Variants in GPC6 observed in about 807,000 individuals in gnomAD.
The protein encoded by GPC6 is glypican 6, also known as glypican-6.
GPC6 carries 14 observed loss-of-function variants against 55.2 expected under a neutral mutation model. That is an observed-to-expected ratio of 0.25 (90% CI 0.17 to 0.40). The LOEUF (loss-of-function observed/expected upper bound fraction) is 0.40. Ranked by LOEUF, GPC6 falls within the 10% of genes least tolerant of loss-of-function variation. The pLI is 1.00. For synonymous variants in GPC6, 278 were observed against 259.6 expected, an observed-to-expected ratio of 1.07 and a Z score of -0.68; for missense variants, 641 against 708.5, an observed-to-expected ratio of 0.90 and a Z score of 1.08.
intron 2 of GPC6, among the ~76,000 whole-genome samples, chr13:93,572,831 C>A (rs1289538935): frequency 6.6e-6 from 1 of 152,018 alleles, no homozygotes; most frequent in Non-Finnish European, 1.5e-5. Flanking sequence ...AAAAAAGTTT[C>A]TTTTTGCTTT....
chr13:93,428,619 G>GTACCTA (rs1555299469), intron 1 of GPC6, among the ~76,000 whole-genome samples: 1 of 152,108 alleles, frequency 6.6e-6, no homozygotes, highest in African/African-American at 2.4e-5. Context: ...GCAGAGTGCT[G>GTACCTA]TACCTACTAC....
chr13:93,604,415 A>G (rs889410666), intron 2 of GPC6, among the ~76,000 whole-genome samples: 2 of 152,220 alleles, frequency 1.3e-5, no homozygotes, highest in Non-Finnish European at 2.9e-5. Context: ...TAGGAGATGT[A>G]GGAATAGGTA....
chr13:93,740,794 A>G (rs1461730617), intron 2 of GPC6, among the ~76,000 whole-genome samples: 3 of 152,212 alleles, frequency 2.0e-5, no homozygotes, highest in Admixed American at 1.3e-4. Flanking sequence ...AATAAATACA[A>G]GACTCAAACA....
chr13:94,336,653 A>G (rs184902307), intron 6 of GPC6, among the ~76,000 whole-genome samples: 2 of 152,282 alleles, frequency 1.3e-5, no homozygotes, highest in East Asian at 1.9e-4. Context: ...TCCGTGAAAG[A>G]GAGGTTGTGG....
chr13:94,353,559 G>C (rs558489721), intron 6 of GPC6, among the ~76,000 whole-genome samples: 4 of 151,606 alleles, frequency 2.6e-5, no homozygotes, highest in Non-Finnish European at 5.9e-5. Flanking sequence ...AAGAGTGAAA[G>C]TCGTGTGCGA....
At chr13:93,603,919 CA>C (rs768761918) in intron 2 of GPC6, among the ~76,000 whole-genome samples, 9 of 152,100 alleles carry the variant, frequency 5.9e-5, no homozygotes, top group Non-Finnish European at 8.8e-5. Flanking sequence ...AAAGTGATAA[CA>C]AAAATCATTA....
At chr13:94,042,622 T>A (rs564645957) in intron 4 of GPC6, among the ~76,000 whole-genome samples, 5 of 151,884 alleles carry the variant, frequency 3.3e-5, no homozygotes, top group Admixed American at 2.0e-4. Flanking sequence ...TTTCTCGATT[T>A]GGGTTCTTCT....
At chr13:94,056,438 C>T (rs1006850217) in intron 4 of GPC6, among the ~76,000 whole-genome samples, 2 of 152,132 alleles carry the variant, frequency 1.3e-5, no homozygotes, top group African/African-American at 2.4e-5. Flanking sequence ...AAATTCAATA[C>T]ACGTGGAGAA....
intron 2 of GPC6, among the ~76,000 whole-genome samples, chr13:93,684,239 G>A (rs957089302): frequency 1.3e-5 from 2 of 152,122 alleles, no homozygotes; most frequent in Non-Finnish European, 2.9e-5. Flanking sequence ...AGCCTGGAGT[G>A]CAGTGGTGTA....
At chr13:93,771,808 A>C (rs1268446690) in intron 2 of GPC6, among the ~76,000 whole-genome samples, 2 of 152,204 alleles carry the variant, frequency 1.3e-5, no homozygotes, top group Non-Finnish European at 2.9e-5. Context: ...ATAATATTTA[A>C]ATGACCAAAT....
chr13:93,490,489 A>ATTTTTTTTTT (rs1267006354), intron 1 of GPC6, among the ~76,000 whole-genome samples: 2 of 13,194 alleles, frequency 1.5e-4, no homozygotes, highest in African/African-American at 2.8e-4. Context: ...AACTTGAGTG[A>ATTTTTTTTTT]TTTTTTTTTC....
At chr13:93,500,039 T>C (rs72640595) in intron 1 of GPC6, among the ~76,000 whole-genome samples, 19,339 of 152,200 alleles carry the variant, frequency 0.13, 1,404 homozygotes, top group East Asian at 0.3. Context: ...CACTCTTCAG[T>C]GCTTACAGCA....
chr13:93,463,620 A>G (rs1017586099), intron 1 of GPC6, among the ~76,000 whole-genome samples: 3 of 152,182 alleles, frequency 2.0e-5, no homozygotes, highest in South Asian at 2.1e-4. Flanking sequence ...CTGTGTACCA[A>G]TGTTGAACTT....
chr13:93,807,802 A>T (rs993536224), intron 2 of GPC6, among the ~76,000 whole-genome samples: 1 of 152,184 alleles, frequency 6.6e-6, no homozygotes, highest in Non-Finnish European at 1.5e-5. Context: ...CAGATAATCA[A>T]ATGTCTTACA....
chr13:93,601,432 A>C (rs1878011946), intron 2 of GPC6, among the ~76,000 whole-genome samples: 1 of 152,168 alleles, frequency 6.6e-6, no homozygotes, highest in Non-Finnish European at 1.5e-5. Flanking sequence ...TTAAGTATAT[A>C]TGGACCACTT....
chr13:94,230,125 C>T (rs1389267404), intron 4 of GPC6, among the ~76,000 whole-genome samples: 2 of 152,002 alleles, frequency 1.3e-5, no homozygotes, highest in East Asian at 3.9e-4. Context: ...ATGGTAAAAC[C>T]ATACTTTTTC....
At chr13:93,715,934 T>C (rs1275903313) in intron 2 of GPC6, among the ~76,000 whole-genome samples, 2 of 151,656 alleles carry the variant, frequency 1.3e-5, no homozygotes, top group African/African-American at 4.8e-5. Context: ...AGATATCATA[T>C]ACAGTCATGC....
intron 2 of GPC6, among the ~76,000 whole-genome samples, chr13:93,585,767 T>C (rs1404501974): frequency 6.6e-6 from 1 of 152,122 alleles, no homozygotes; most frequent in East Asian, 1.9e-4. Context: ...GGACATTCAG[T>C]GGAGAGTAAA....
At chr13:93,220,928 GGCTGGAAT>G in the GPC6 span, among the ~76,000 whole-genome samples, 2 of 152,042 alleles carry the variant, frequency 1.3e-5, no homozygotes, top group Non-Finnish European at 1.5e-5. Context: ...CTGTCACCCA[GGCTGGAAT>G]GCAGTGCACT....
Sources: gnomAD v4.1 joint callset for allele counts (sites outside exome capture counted in the v4.1 genomes callset) on GRCh38, gnomAD v4.1.1 for gene constraint, MANE v1.5 for transcripts, NCBI Gene and HGNC (gene_info 2026-07-23, HGNC 2026-07-21) for gene names.